The following BCL11A variants were observed in gnomAD, a reference collection of about 807,000 sequenced individuals.
The protein encoded by BCL11A is B cell CLL/lymphoma 11A.
In BCL11A, 2 loss-of-function variants were observed where a neutral mutation model predicts 55.9. The ratio of observed to expected loss-of-function variants is 0.04; its 90% CI spans 0.01 to 0.11. BCL11A has a LOEUF of 0.11. BCL11A is among the 10% of genes least tolerant of loss of function. The pLI is 1.00. For synonymous variants in BCL11A, 465 were observed against 473.4 expected (o/e 0.98, Z 0.23); for missense variants, 817 against 1,137.1 (o/e 0.72, Z 4.05).
At chr2:60,479,881 C>A (rs1168791048) in intron 2 of BCL11A, among the ~76,000 whole-genome samples, 2 of 152,178 alleles carry the variant, frequency 1.3e-5, no homozygotes, top group African/African-American at 4.8e-5. Flanking sequence ...GAAAATGAAA[C>A]GCTTCTGTCC....
At chr2:60,470,666 T>A (rs1677145960) in intron 2 of BCL11A, among the ~76,000 whole-genome samples, 1 of 152,202 alleles carries the variant, frequency 6.6e-6, no homozygotes, top group Non-Finnish European at 1.5e-5. Flanking sequence ...GCCCCTCGCA[T>A]GAATCTCTTG....
At chr2:60,532,325 T>G (rs1669493165) in intron 2 of BCL11A, among the ~76,000 whole-genome samples, 4 of 150,242 alleles carry the variant, frequency 2.7e-5, no homozygotes, top group Admixed American at 1.3e-4. Flanking sequence ...TTTTGGTTTT[T>G]GGGTTTTTTT....
intron 2 of BCL11A, among the ~76,000 whole-genome samples, chr2:60,509,719 C>G (rs1679876288): frequency 6.6e-6 from 1 of 152,170 alleles, no homozygotes; most frequent in South Asian, 2.1e-4. Flanking sequence ...AAGAACTCGA[C>G]TTAAATCATC....
chr2:60,543,830 G>A (rs1558514707), intron 2 of BCL11A: 1 of 152,160 alleles, frequency 6.6e-6, no homozygotes, highest in African/African-American at 2.4e-5. Context: ...ATCTTAGAGA[G>A]CTTTTCGTCT....
Position 60,460,730 on chromosome 2 carries a change from G to C in BCL11A, c.2182C>G (p.Pro728Ala). The change falls in exon 4 of 4, where the codon CCG becomes GCG. Residue 728 changes from proline to alanine, a missense_variant. By Grantham distance (27) the Pro-to-Ala change is conservative (BLOSUM62 -1). Coordinates refer to ENST00000642384, the MANE Select transcript of BCL11A (RefSeq NM_022893.4). ...TTTGAGCTGGGCCTGCCCGGGCCCG[G>C]ACCACTAATATGGGGCGTGCTCCCT... The part of the protein sequence containing the change: ...SGGSTPHISG[P>A]GPGRPSSKEG... 1 of 1,614,136 alleles carries C rather than the reference G, an allele frequency of 6.2e-7. No individual in the cohort carries two copies. The highest frequency in any genetic ancestry group is 8.5e-7 in the Non-Finnish European group (1 of 1,180,042).
intron 2 of BCL11A, among the ~76,000 whole-genome samples, chr2:60,484,692 CA>C (rs1028807583): frequency 6.7e-5 from 10 of 149,960 alleles, no homozygotes; most frequent in South Asian, 2.1e-4. Flanking sequence ...TGGAGGGGGG[CA>C]AAAAAAGAAG....
At chr2:60,529,261 T>A (rs949041226) in intron 2 of BCL11A, among the ~76,000 whole-genome samples, 1 of 152,216 alleles carries the variant, frequency 6.6e-6, no homozygotes, top group Non-Finnish European at 1.5e-5. Flanking sequence ...TGACATGTTT[T>A]ACCATGTGCC....
intron 1 of BCL11A, among the ~76,000 whole-genome samples, chr2:60,550,424 T>G (rs1354641984): frequency 2.0e-5 from 3 of 151,802 alleles, no homozygotes; most frequent in Non-Finnish European, 4.4e-5. Context: ...CTCGCAAAGC[T>G]CGTTCCTCCC....
intron 2 of BCL11A, among the ~76,000 whole-genome samples, chr2:60,507,003 A>G (rs1679632907): frequency 6.6e-6 from 1 of 152,156 alleles, no homozygotes; most frequent in African/African-American, 2.4e-5. Context: ...TGAGCTGTTT[A>G]AAAATAAATT....
At position 60,546,137 on chromosome 2, in the gene BCL11A, G is replaced by T; in HGVS notation, c.219C>A (p.Gly73=). Residue 73 remains glycine (G), a synonymous_variant, in exon 2 of 4, where the codon GGC becomes GGA. Transcript: ENST00000642384. The surrounding 1 kb of genome is among the most constrained non-coding windows in gnomAD (Gnocchi z 4.1). ...FIEHKRKQCN[G]SLCLEKAVDK... Reference sequence around the variant, plus strand: ...CCACAGCTTTTTCTAAGCAGAGGCTGCCATTGCATTGTTTCCGTTTGTGCT... The same window carrying T: ...CCACAGCTTTTTCTAAGCAGAGGCTTCCATTGCATTGTTTCCGTTTGTGCT... 6.2e-7 allele frequency: 1 copy of T among 1,614,230 alleles called. No individual in the cohort carries two copies. Among genetic ancestry groups the T allele is most frequent in the Non-Finnish European group, 8.5e-7 (1 of 1,180,044 alleles).
At chr2:60,486,404 T>A (rs1678277800) in intron 2 of BCL11A, among the ~76,000 whole-genome samples, 1 of 152,202 alleles carries the variant, frequency 6.6e-6, no homozygotes, top group South Asian at 2.1e-4. Context: ...TCTGCACATA[T>A]GTGTAGTTAA....
chr2:60,491,728 C>T (rs2104315873), intron 2 of BCL11A, among the ~76,000 whole-genome samples: 1 of 151,888 alleles, frequency 6.6e-6, no homozygotes, highest in Admixed American at 6.6e-5. Context: ...CCTCAGTTCT[C>T]CAGGCTGGGC....
intron 2 of BCL11A, among the ~76,000 whole-genome samples, chr2:60,477,020 C>G (rs190118985): frequency 3.9e-4 from 60 of 152,268 alleles, no homozygotes; most frequent in Non-Finnish European, 5.3e-4. Flanking sequence ...TCCAGCTTCA[C>G]ACAAACGTAT....
intron 2 of BCL11A, chr2:60,544,502 T>G (rs1198407395): frequency 6.6e-6 from 1 of 152,254 alleles, no homozygotes; most frequent in Non-Finnish European, 1.5e-5. Context: ...GATTTCCCAT[T>G]TCACTAAAGG....
At chr2:60,454,199 T>C (rs1675842758), downstream of BCL11A, among the ~76,000 whole-genome samples, 1 of 152,110 alleles carries the variant, frequency 6.6e-6, no homozygotes. Flanking sequence ...AGTTCATAGC[T>C]ATAGCAGCCC....
At chr2:60,467,300 A>G (rs868483649) in intron 3 of BCL11A, among the ~76,000 whole-genome samples, 25 of 19,032 alleles carry the variant, frequency 1.3e-3, no homozygotes, top group South Asian at 1.6e-3. Flanking sequence ...GGTGGTGGTA[A>G]TGGTGGTGGT....
intron 2 of BCL11A, among the ~76,000 whole-genome samples, chr2:60,514,390 C>T (rs890179427): frequency 6.6e-6 from 1 of 151,754 alleles, no homozygotes; most frequent in Non-Finnish European, 1.5e-5. Context: ...GGTGCGGTGG[C>T]TCACACCTGT....
intron 2 of BCL11A, among the ~76,000 whole-genome samples, chr2:60,472,164 G>A: frequency 6.6e-6 from 1 of 152,224 alleles, no homozygotes; most frequent in Non-Finnish European, 1.5e-5. Context: ...GATAAGGACA[G>A]GGAACAGGTC....
chr2:60,470,567 C>A (rs1677141499), intron 2 of BCL11A, among the ~76,000 whole-genome samples: 1 of 152,314 alleles, frequency 6.6e-6, no homozygotes, highest in South Asian at 2.1e-4. Context: ...ATTTCAAATT[C>A]TCTGCCACTT....
Sources: allele counts gnomAD v4.1 joint callset (sites outside exome capture counted in the v4.1 genomes callset), GRCh38; gene constraint gnomAD v4.1.1; non-coding constraint Gnocchi (gnomAD v3.1); transcripts MANE v1.5; gene names NCBI Gene and HGNC (gene_info 2026-07-23, HGNC 2026-07-21).